The following PIEZO2 variants were observed in gnomAD, a reference collection of about 807,000 sequenced individuals.
PIEZO2 encodes the protein piezo-type mechanosensitive ion channel component 2.
A neutral mutation model predicts 337.3 loss-of-function variants in PIEZO2; 172 were observed. That is an observed-to-expected ratio of 0.51 (90% confidence interval 0.45 to 0.58). The LOEUF (loss-of-function observed/expected upper bound fraction) is 0.58. Among genes scored for constraint, PIEZO2 ranks in the 20% least tolerant of loss-of-function variants. The probability of loss-of-function intolerance (pLI) is 0.00; values close to 1 mark genes in which losing one functional copy is unlikely to be tolerated. For synonymous variants in PIEZO2, 1,251 were observed against 1,228.5 expected (o/e 1.02, Z -0.38); for missense variants, 3,028 against 3,391.3 (o/e 0.89, Z 2.66).
chr18:11,126,631 A>T lies in PIEZO2; in HGVS notation c.64+21894T>A, dbSNP rs1404864185. Among the ~76,000 whole-genome samples the T allele has an allele frequency of 4.1e-5, 6 of 145,930 alleles. No homozygotes were observed. The East Asian group carries it at 1.0e-3, about 24-fold the overall frequency. On this transcript the variant is annotated intron_variant, in intron 1 of 55. Coordinates refer to ENST00000674853, the MANE Select transcript of PIEZO2 (RefSeq NM_001378183.1). This position sits in a 1 kb window ranked among gnomAD's most constrained non-coding sequence, Gnocchi z 4.6. ...CAAGAGCAGGAGCCATGCCTTACAT[A>T]TTTTTTTTTTTTTGTATTCCCAGAA...
rs9783873 is a variant in PIEZO2, at chr18:11,033,080, G to A, written c.160+33047C>T. Among the ~76,000 whole-genome samples, 26,617 of 152,084 alleles carry A rather than the reference G, an allele frequency of 0.18. 2,714 individuals carry two copies. The highest frequency in any genetic ancestry group is 0.27 in the African/African-American group (11,156 of 41,444). On this transcript the variant is annotated intron_variant, in intron 2 of 55. Transcript: ENST00000674853. The surrounding 1 kb of genome is among the most constrained non-coding windows in gnomAD (Gnocchi z 4.2). ...AATCCTTTTCTGACTGGTCATATACGGACAAGAGGAGAGAAACAATAATAG... is the reference window on the plus strand; with the variant it reads ...AATCCTTTTCTGACTGGTCATATACAGACAAGAGGAGAGAAACAATAATAG...
rs951362039 is a variant in PIEZO2 at position 10,888,317 on chromosome 18, G to A, written c.330-16902C>T. Among the ~76,000 whole-genome samples the A allele has an allele frequency of 2.0e-5, 3 of 152,152 alleles. No individual in the cohort carries two copies. The highest frequency in any genetic ancestry group is 7.2e-5 in the African/African-American group (3 of 41,438). On this transcript the variant is annotated intron_variant, in intron 4 of 55. Transcript: ENST00000674853. This position sits in a 1 kb window ranked among gnomAD's most constrained non-coding sequence, Gnocchi z 4.1. ...GAGTTGTGAGGGCCCCTCCACGCTG[G>A]CTCCTGGGAAATGTCCTTGTCATTC...
At chr18:11,081,193 A>G (rs573269082) in intron 1 of PIEZO2, among the ~76,000 whole-genome samples, 1 of 152,316 alleles carries the variant, frequency 6.6e-6, no homozygotes, top group African/African-American at 2.4e-5. Flanking sequence ...GGCCTTAACC[A>G]TGTTTTTCTT....
intron 54 of PIEZO2, among the ~76,000 whole-genome samples, chr18:10,674,628 T>G (rs8096344): frequency 0.79 from 120,269 of 152,218 alleles, 47,683 homozygotes; most frequent in Admixed American, 0.81. Context: ...GAGAATGAAT[T>G]AATGTGTGCC....
chr18:10,994,354 G>A (rs1340851571), intron 2 of PIEZO2, among the ~76,000 whole-genome samples: 1 of 151,226 alleles, frequency 6.6e-6, no homozygotes, highest in African/African-American at 2.4e-5. Context: ...TAGATATCCA[G>A]TAGTGGGATT....
chr18:10,861,851 G>T lies in PIEZO2; in HGVS notation c.493-4640C>A, dbSNP rs1259372585. Among the ~76,000 whole-genome samples, 3 of 151,912 alleles carry T rather than the reference G, an allele frequency of 2.0e-5. No homozygotes were observed. In the East Asian group the frequency reaches 5.8e-4, roughly 29 times the overall value. On this transcript the variant is annotated intron_variant, in intron 5 of 55. Transcript: ENST00000674853. The surrounding 1 kb of genome is among the most constrained non-coding windows in gnomAD (Gnocchi z 4.3). ...TGGACAACATGGTGAAACCTTGTCT[G>T]TACTAAAACTACAAAAATTAGCTGG...
chr18:10,967,166 T>C (rs1178264104), intron 3 of PIEZO2, among the ~76,000 whole-genome samples: 1 of 151,812 alleles, frequency 6.6e-6, no homozygotes, highest in Non-Finnish European at 1.5e-5. Context: ...TACAGGCGCA[T>C]GCCAGGATGC....
At chr18:11,007,942 T>C (rs2035778945) in intron 2 of PIEZO2, among the ~76,000 whole-genome samples, 1 of 151,958 alleles carries the variant, frequency 6.6e-6, no homozygotes, top group South Asian at 2.1e-4. Flanking sequence ...AAATGACAAA[T>C]ATGTGAATAA....
chr18:10,792,286 A>G (rs1279313740), intron 13 of PIEZO2, among the ~76,000 whole-genome samples: 1 of 152,332 alleles, frequency 6.6e-6, no homozygotes, highest in East Asian at 1.9e-4. Context: ...TTATTGATAT[A>G]TAATTCACAT....
intron 3 of PIEZO2, among the ~76,000 whole-genome samples, chr18:10,950,288 C>T (rs138597684): frequency 2.0e-5 from 3 of 152,292 alleles, no homozygotes; most frequent in African/African-American, 7.2e-5. Flanking sequence ...CACTTAAAAA[C>T]TTGAGTGTCT....
chr18:11,143,782 C>T lies in PIEZO2; in HGVS notation c.64+4743G>A, dbSNP rs960637377. ...CTGGCCCATGCTCTTACCTCCTAGTCTGTTAATTTTGACTGAGACATCGCC... is the reference window on the plus strand; with the variant it reads ...CTGGCCCATGCTCTTACCTCCTAGTTTGTTAATTTTGACTGAGACATCGCC... On this transcript the variant is annotated intron_variant, in intron 1 of 55. Transcript: ENST00000674853. This position sits in a 1 kb window ranked among gnomAD's most constrained non-coding sequence, Gnocchi z 4.9. 1.8e-4 allele frequency among the ~76,000 whole-genome samples: 28 copies of T among 152,102 alleles called. No homozygotes were observed. The highest frequency in any genetic ancestry group is 6.8e-4 in the African/African-American group (28 of 41,414).
At chr18:10,791,731 CCTTATTT>C in intron 13 of PIEZO2, 1 of 152,710 alleles carries the variant, frequency 6.5e-6, no homozygotes. Context: ...CTGCAATGTT[CCTTATTT>C]TGAAGAATTC....
At position 10,794,697 on chromosome 18, in the gene PIEZO2, T is replaced by G; in HGVS notation, c.1758+75A>C. ...TATTTGGAACCTGTTTTTATAAGGT[T>G]TCTCTTGGATACGATTATGATGATG... On this transcript the variant is annotated intron_variant, in intron 13 of 55. Coordinates refer to ENST00000674853, the MANE Select transcript of PIEZO2 (RefSeq NM_001378183.1). This position sits in a 1 kb window ranked among gnomAD's most constrained non-coding sequence, Gnocchi z 6.6. 8.7e-7 allele frequency: 1 copy of G among 1,144,004 alleles called. No individual in the cohort carries two copies. The highest frequency in any genetic ancestry group is 1.2e-6 in the Non-Finnish European group (1 of 829,708). The allele number at this position is 1,144,004 out of a possible 1,614,324, so 70.9% of individuals were successfully genotyped here. A position where few individuals can be genotyped will look rare whatever the true frequency, so the allele number is the denominator to read the frequency against.
chr18:10,671,664 A>C lies in PIEZO2; in HGVS notation c.8461T>G (p.Leu2821Val). 1 of 1,614,078 alleles carries C rather than the reference A, an allele frequency of 6.2e-7. No homozygotes were observed. The highest frequency in any genetic ancestry group is 8.5e-7 in the Non-Finnish European group (1 of 1,179,990). Reference sequence around the variant, plus strand: ...AAAAAAATATCTGTGCACAACTTCAAAATTCGATCCACATTTGGAAGCTCT... The same window carrying C: ...AAAAAAATATCTGTGCACAACTTCACAATTCGATCCACATTTGGAAGCTCT... ...FEELPNVDRI[L>V]KLCTDIFLVR... Residue 2821 changes from leucine (L) to valine (V), a missense_variant, in exon 56 of 56, where the codon TTG becomes GTG. Transcript: ENST00000674853.
rs1437602129 is a variant in PIEZO2 at position 11,031,184 on chromosome 18, G to A, written c.160+34943C>T. ...TTTTTGTATTTTTTTTTTTTTTAGT[G>A]GAGATGGGATTTCACCGTGTTAGCC... On this transcript the variant is annotated intron_variant, in intron 2 of 55. Transcript: ENST00000674853. The surrounding 1 kb of genome is among the most constrained non-coding windows in gnomAD (Gnocchi z 4.7). 6.7e-6 allele frequency among the ~76,000 whole-genome samples: 1 copy of A among 148,916 alleles called. No homozygotes were observed. Among genetic ancestry groups the A allele is most frequent in the Non-Finnish European group, 1.5e-5 (1 of 67,444 alleles).
At chr18:10,972,362 T>A (rs2034276840) in intron 3 of PIEZO2, among the ~76,000 whole-genome samples, 1 of 152,054 alleles carries the variant, frequency 6.6e-6, no homozygotes, top group Admixed American at 6.6e-5. Flanking sequence ...GAGCTGCAGG[T>A]CATGGGAGCA....
Position 10,758,044 on chromosome 18 carries a change from T to C in PIEZO2, c.3848A>G (p.Asn1283Ser), listed in dbSNP as rs878853021. The change falls in exon 27 of 56, where the codon AAT becomes AGT. Residue 1283 changes from asparagine to serine, a missense_variant. Physicochemically the swap from Asn to Ser is conservative, Grantham distance 46 (BLOSUM62 1). Transcript: ENST00000674853. ...KAAVRIMAGD[N>S]VEICMNLDAA... ...ATCAAGGTTCATGCAGATCTCGACA[T>C]TGTCACCTGCCATGATTCGCACTGC... 48 of 1,537,124 alleles carry C rather than the reference T, an allele frequency of 3.1e-5. No individual in the cohort carries two copies. The highest frequency in any genetic ancestry group is 7.8e-5 in the Admixed American group (4 of 50,958).
At chr18:11,090,644 A>C (rs1385839023) in intron 1 of PIEZO2, among the ~76,000 whole-genome samples, 2 of 152,242 alleles carry the variant, frequency 1.3e-5, no homozygotes, top group African/African-American at 4.8e-5. Flanking sequence ...CTTTCCAATC[A>C]GATTTTCACA....
chr18:10,694,193 T>A (rs940951639), intron 47 of PIEZO2, among the ~76,000 whole-genome samples: 4 of 151,772 alleles, frequency 2.6e-5, no homozygotes, highest in Admixed American at 1.3e-4. Flanking sequence ...AATTTATTTT[T>A]AATAATAATT....
Sources: allele counts gnomAD v4.1 joint callset (sites outside exome capture counted in the v4.1 genomes callset), GRCh38; gene constraint gnomAD v4.1.1; non-coding constraint Gnocchi (gnomAD v3.1); transcripts MANE v1.5; gene names NCBI Gene and HGNC (gene_info 2026-07-23, HGNC 2026-07-21).